Variants in ASMTL observed in about 807,000 individuals in gnomAD.
The protein encoded by ASMTL is probable bifunctional dTTP/UTP pyrophosphatase/methyltransferase protein.
In ASMTL, 57 loss-of-function variants were observed where a neutral mutation model predicts 60.3. The observed-to-expected ratio is 0.95, with a 90% CI of 0.76 to 1.18. The LOEUF (loss-of-function observed/expected upper bound fraction) is 1.18, where lower values mean the gene tolerates loss of function less well. Among genes scored for constraint, ASMTL ranks in the 50% most tolerant of loss-of-function variants. The probability of loss-of-function intolerance (pLI) is 0.00; values close to 1 mark genes in which losing one functional copy is unlikely to be tolerated. For missense variants in ASMTL, 981 were observed against 852.6 expected (o/e 1.15, Z -1.88); for synonymous variants, 419 against 373.0 (o/e 1.12, Z -1.42).
intron 12 of ASMTL, among the ~76,000 whole-genome samples, chrX:1,404,285 TGGA>T: frequency 1.3e-5 from 2 of 150,580 alleles, no homozygotes; most frequent in Non-Finnish European, 3.0e-5. Flanking sequence ...GATGGATGGA[TGGA>T]TGGGTGAATA....
chrX:1,422,427 C>T (rs1225249593), intron 8 of ASMTL, among the ~76,000 whole-genome samples: 4 of 152,092 alleles, frequency 2.6e-5, no homozygotes, highest in East Asian at 1.9e-4. Context: ...TACACAATCA[C>T]GTAAGTCCTC....
At chrX:1,433,230 C>G (rs1260046657) in intron 5 of ASMTL, among the ~76,000 whole-genome samples, 1 of 152,212 alleles carries the variant, frequency 6.6e-6, no homozygotes, top group African/African-American at 2.4e-5. Context: ...TGACAAGCCC[C>G]TTTCATCCGC....
intron 7 of ASMTL, among the ~76,000 whole-genome samples, chrX:1,427,008 AGAG>A (rs1242560718): frequency 1.4e-5 from 2 of 145,838 alleles, no homozygotes; most frequent in South Asian, 4.3e-4. Context: ...AACAAAAAAA[AGAG>A]AAAAAGAAAA....
chrX:1,404,678 G>C (rs1450580582), intron 12 of ASMTL, among the ~76,000 whole-genome samples: 1 of 75,168 alleles, frequency 1.3e-5, no homozygotes, highest in Non-Finnish European at 2.8e-5. Context: ...ATAGATGGTA[G>C]ATGATGGGTA....
intron 2 of ASMTL, 21 bp downstream of exon 2, chrX:1,442,165 C>T (rs772197988): frequency 1.5e-5 from 24 of 1,612,068 alleles, no homozygotes; most frequent in African/African-American, 2.7e-5. Flanking sequence ...TCATAAGGGC[C>T]GAAGGGCAGG....
chrX:1,452,863 C>G lies in ASMTL; in HGVS notation c.-23G>C. 6.5e-7 allele frequency: 1 copy of G among 1,536,874 alleles called. No homozygotes were observed. The highest frequency in any genetic ancestry group is 8.7e-7 in the Non-Finnish European group (1 of 1,147,748). On this transcript the variant is annotated 5_prime_UTR_variant, in exon 1 of 13. Transcript: ENST00000381317. ...CATGGCGTCCACGCCGGGAGCCGGG[C>G]GTCCGCACTTCTGAGCCCGGAGCCC... is the stretch of plus-strand genomic sequence containing the variant.
chrX:1,403,561 C>CA, intron 12 of ASMTL, 72 bp from the exon 13 acceptor site: 2 of 1,384,764 alleles, frequency 1.4e-6, no homozygotes, highest in Non-Finnish European at 2.0e-6. Context: ...ACAGGGGACA[C>CA]AGCAGGCAAC....
At chrX:1,420,635 C>G (rs1316481061) in intron 9 of ASMTL, among the ~76,000 whole-genome samples, 14 of 152,196 alleles carry the variant, frequency 9.2e-5, no homozygotes, top group Non-Finnish European at 1.8e-4. Context: ...CACCATATCT[C>G]ACACGTCCAC....
At chrX:1,416,752 C>T (rs1167735897) in intron 11 of ASMTL, among the ~76,000 whole-genome samples, 1 of 128,798 alleles carries the variant, frequency 7.8e-6, no homozygotes, top group African/African-American at 2.9e-5. Context: ...CAGTCATGCA[C>T]ACACAGACAC....
At chrX:1,415,602 A>G (rs1221439163) in intron 11 of ASMTL, among the ~76,000 whole-genome samples, 2 of 151,620 alleles carry the variant, frequency 1.3e-5, no homozygotes, top group Non-Finnish European at 2.9e-5. Context: ...AGTAGCTGGG[A>G]TTACAGGCGC....
At chrX:1,433,516 A>AC (rs1432478180) in intron 5 of ASMTL, among the ~76,000 whole-genome samples, 1 of 149,862 alleles carries the variant, frequency 6.7e-6, no homozygotes, top group Non-Finnish European at 1.5e-5. Flanking sequence ...AAAAAAAAAA[A>AC]AAAAAAATAG....
At chrX:1,434,580 G>C (rs1253733722) in intron 5 of ASMTL, among the ~76,000 whole-genome samples, 3 of 151,378 alleles carry the variant, frequency 2.0e-5, no homozygotes, top group Admixed American at 2.0e-4. Flanking sequence ...GAGGCGGGTG[G>C]ATCACCTGAG....
intron 1 of ASMTL, among the ~76,000 whole-genome samples, chrX:1,451,683 C>T (rs28681183): frequency 0.32 from 44,919 of 141,412 alleles, 8,023 homozygotes; most frequent in Non-Finnish European, 0.4. Context: ...CTAGGGGTCC[C>T]GGGTTACTCT....
chrX:1,450,743 TC>T (rs2091346797), intron 1 of ASMTL, among the ~76,000 whole-genome samples: 1 of 101,518 alleles, frequency 9.9e-6, no homozygotes, highest in South Asian at 3.8e-4. Context: ...TACTCTCCCC[TC>T]CCCCATCCCT....
intron 12 of ASMTL, among the ~76,000 whole-genome samples, chrX:1,410,416 CTTT>C (rs761882872): frequency 1.4e-5 from 2 of 145,706 alleles, no homozygotes; most frequent in African/African-American, 2.5e-5. Context: ...CCACAAAAAA[CTTT>C]TTTTTTTTTT....
upstream of ASMTL, among the ~76,000 whole-genome samples, chrX:1,453,185 T>G (rs1217037181): frequency 1.6e-5 from 2 of 121,700 alleles, no homozygotes; most frequent in African/African-American, 3.2e-5. Flanking sequence ...AGGCCACACC[T>G]CCATTGCCCT....
intron 3 of ASMTL, among the ~76,000 whole-genome samples, chrX:1,437,217 C>G (rs1437390755): frequency 6.6e-6 from 1 of 152,070 alleles, no homozygotes; most frequent in Non-Finnish European, 1.5e-5. Context: ...CCTCCTGAGG[C>G]CTCTCTCCTA....
chrX:1,421,574 C>T, intron 9 of ASMTL, 84 bp downstream of exon 9: 1 of 1,444,050 alleles, frequency 6.9e-7, no homozygotes. Flanking sequence ...ACAGACTGGT[C>T]AAGGTGCCTA....
intron 10 of ASMTL, 121 bp from the exon 11 acceptor site, chrX:1,418,237 G>T: frequency 8.2e-7 from 1 of 1,215,684 alleles, no homozygotes; most frequent in South Asian, 1.6e-5. Flanking sequence ...CATGCTGGAA[G>T]GGAAAGCCAG....
Sources: allele counts gnomAD v4.1 joint callset (sites outside exome capture counted in the v4.1 genomes callset), GRCh38; gene constraint gnomAD v4.1.1; transcripts MANE v1.5; gene names NCBI Gene and HGNC (gene_info 2026-07-23, HGNC 2026-07-21).